NSD3: variants seen among roughly 807,000 people sequenced by gnomAD.
NSD3 encodes histone-lysine N-methyltransferase NSD3.
In NSD3, 24 loss-of-function variants were observed where a neutral mutation model predicts 160.8. The observed-to-expected ratio is 0.15, with a 90% CI of 0.11 to 0.21. The LOEUF is 0.21. Among genes scored for constraint, NSD3 ranks in the 10% least tolerant of loss-of-function variants. NSD3 has a pLI of 1.00. For missense variants in NSD3, 1,157 were observed against 1,735.9 expected, an observed-to-expected ratio of 0.67 and a Z score of 5.93; for synonymous variants, 520 against 600.0, an observed-to-expected ratio of 0.87 and a Z score of 1.95.
intron 1 of NSD3, among the ~76,000 whole-genome samples, chr8:38,377,588 A>G (rs1811425888): frequency 6.6e-6 from 1 of 152,044 alleles, no homozygotes; most frequent in African/African-American, 2.4e-5. Context: ...ACCTCAAGCA[A>G]TCCGCCCGCC....
At position 38,347,765 on chromosome 8, in the gene NSD3, G is replaced by C. The variant is rs372097319; in HGVS notation, c.407C>G (p.Pro136Arg). ...AATCACAGTTTGTGGTACCGAAGGA[G>C]GAGGTGGTGGCTGTGGAGGGGAAGG... ...EKPSPPQPPPPPSVPQTVIPK... is the reference protein window; with the variant it reads ...EKPSPPQPPPRPSVPQTVIPK... The change falls in exon 2 of 24, where the codon CCT (proline) becomes CGT (arginine). Residue 136 changes from proline to arginine, a missense_variant. By Grantham distance (103) the Pro-to-Arg change is moderately radical. Around this residue, in one of 10 missense-constraint regions of NSD3, gnomAD observed 121 missense variants for 177.2 expected, o/e 0.68. Coordinates refer to ENST00000317025, the MANE Select transcript of NSD3 (RefSeq NM_023034.2). 6.2e-7 allele frequency: 1 copy of C among 1,613,316 alleles called. No individual in the cohort carries two copies. Among genetic ancestry groups the C allele is most frequent in the Non-Finnish European group, 8.5e-7 (1 of 1,180,030 alleles).
At chr8:38,282,780 G>C (rs1034906660) in intron 19 of NSD3, among the ~76,000 whole-genome samples, 1 of 152,216 alleles carries the variant, frequency 6.6e-6, no homozygotes, top group South Asian at 2.1e-4. Context: ...ATTCTCTTGA[G>C]ATCTACCCAA....
chr8:38,332,617 TA>T (rs965873968), intron 4 of NSD3, among the ~76,000 whole-genome samples: 2 of 152,198 alleles, frequency 1.3e-5, no homozygotes, highest in African/African-American at 4.8e-5. Flanking sequence ...GGGACAAAAG[TA>T]AGTACAGAAG....
Position 38,288,560 on chromosome 8 carries a change from A to C in NSD3, c.3428T>G (p.Leu1143Arg). 1 of 1,614,122 alleles carries C rather than the reference A, an allele frequency of 6.2e-7. No individual in the cohort carries two copies. The highest frequency in any genetic ancestry group is 8.5e-7 in the Non-Finnish European group (1 of 1,180,024). Residue 1143 changes from leucine to arginine, a missense_variant, in exon 19 of 24, where the codon CTA becomes CGA. Around this residue, in one of 10 missense-constraint regions of NSD3, gnomAD observed 222 missense variants for 409.9 expected, o/e 0.54. Coordinates refer to ENST00000317025, the MANE Select transcript of NSD3 (RefSeq NM_023034.2). The surrounding 1 kb of genome is among the most constrained non-coding windows in gnomAD (Gnocchi z 4.5). ...TTTGATGATCTCTGCATCAGGGTAT[A>C]GTCTCTTTGTAAAGCACTGGTTCTG... The part of the protein sequence containing the change: ...RCQNQCFTKR[L>R]YPDAEIIKTE...
At position 38,272,686 on chromosome 8, in the gene NSD3, C is replaced by T. The variant is rs1808511730; in HGVS notation, c.*2955G>A. On this transcript the variant is annotated 3_prime_UTR_variant, in exon 24 of 24. Coordinates refer to ENST00000317025, the MANE Select transcript of NSD3 (RefSeq NM_023034.2). ...GGTTAAAAAAAATACCACCATTAGC[C>T]CATGCTGCTTTAAGTTATTTCATTG... The T allele has an allele frequency of 6.6e-6, 1 of 152,236 alleles. No homozygotes were observed. Among genetic ancestry groups the T allele is most frequent in the Non-Finnish European group, 1.5e-5 (1 of 68,048 alleles). The allele number at this position is 152,236 out of a possible 1,614,324, so 9.4% of individuals were successfully genotyped here.
chr8:38,345,254 G>A (rs1271474513), intron 2 of NSD3, among the ~76,000 whole-genome samples: 2 of 131,644 alleles, frequency 1.5e-5, no homozygotes, highest in Non-Finnish European at 3.2e-5. Context: ...GAAGAAGGGA[G>A]AGAAGAAGGA....
chr8:38,341,527 G>C (rs1348639185), intron 2 of NSD3, among the ~76,000 whole-genome samples: 1 of 146,556 alleles, frequency 6.8e-6, no homozygotes, highest in African/African-American at 2.5e-5. Flanking sequence ...GACAGAGCGA[G>C]ACTCCGTCTC....
chr8:38,280,372 A>G (rs1478197175), intron 20 of NSD3, among the ~76,000 whole-genome samples: 1 of 152,210 alleles, frequency 6.6e-6, no homozygotes, highest in Non-Finnish European at 1.5e-5. Context: ...AGATCCCAGC[A>G]ATCATAAAGA....
rs1809712297 is a variant in NSD3 at position 38,318,114 on chromosome 8, C to T, written c.1855+781G>A. ...ATCGCGATGTCTTTTCTTGGAGCTC[C>T]GCCAAGCAGTGTTCCCTCCGAGAGG... On this transcript the variant is annotated intron_variant, in intron 9 of 23. Coordinates refer to ENST00000317025, the MANE Select transcript of NSD3 (RefSeq NM_023034.2). The surrounding 1 kb of genome is among the most constrained non-coding windows in gnomAD (Gnocchi z 5.3). 6.4e-7 allele frequency: 1 copy of T among 1,560,304 alleles called. No homozygotes were observed. Among genetic ancestry groups the T allele is most frequent in the Non-Finnish European group, 8.7e-7 (1 of 1,144,210 alleles).
chr8:38,307,478 G>C (rs2131012601), intron 12 of NSD3, among the ~76,000 whole-genome samples: 1 of 152,250 alleles, frequency 6.6e-6, no homozygotes, highest in South Asian at 2.1e-4. Context: ...ACTACACTGG[G>C]GAAGACTGAG....
intron 5 of NSD3, among the ~76,000 whole-genome samples, chr8:38,330,831 C>T (rs1419292020): frequency 6.6e-6 from 1 of 152,206 alleles, no homozygotes; most frequent in Non-Finnish European, 1.5e-5. Context: ...TCCACCACCA[C>T]ATCAAATATA....
Position 38,270,967 on chromosome 8 carries a change from G to A in NSD3, c.*4674C>T, listed in dbSNP as rs1808449614. ...GAAAGACACGGATTACCCACATTTT[G>A]GGAGTGTAACGTAAGTGCAATTTTT... On this transcript the variant is annotated 3_prime_UTR_variant, in exon 24 of 24. Coordinates refer to ENST00000317025, the MANE Select transcript of NSD3 (RefSeq NM_023034.2). 1.3e-5 allele frequency: 2 copies of A among 152,140 alleles called. No individual in the cohort carries two copies. Among genetic ancestry groups the A allele is most frequent in the Admixed American group, 1.3e-4 (2 of 15,276 alleles). The allele number at this position is 152,140 out of a possible 1,614,324, so 9.4% of individuals were successfully genotyped here. A position where few individuals can be genotyped will look rare whatever the true frequency, so the allele number is the denominator to read the frequency against.
chr8:38,306,950 T>C (rs1173531229), intron 12 of NSD3, among the ~76,000 whole-genome samples: 2 of 151,376 alleles, frequency 1.3e-5, no homozygotes, highest in Non-Finnish European at 2.9e-5. Flanking sequence ...CCGTCTCTAC[T>C]AAAAATACAA....
At chr8:38,380,613 G>C (rs1273242601) in intron 1 of NSD3, 1 of 152,190 alleles carries the variant, frequency 6.6e-6, no homozygotes, top group Non-Finnish European at 1.5e-5. Flanking sequence ...AGCATACCTT[G>C]TTTGCAACCA....
At chr8:38,304,925 T>C (rs1809361544) in intron 13 of NSD3, among the ~76,000 whole-genome samples, 168 bp from the exon 14 acceptor site, 1 of 152,190 alleles carries the variant, frequency 6.6e-6, no homozygotes, top group Admixed American at 6.5e-5. Flanking sequence ...ATATGGCCCC[T>C]AAATGTAAGC....
chr8:38,278,254 A>T (rs1260187511), intron 22 of NSD3, 52 bp downstream of exon 22: 3 of 1,533,150 alleles, frequency 2.0e-6, no homozygotes, highest in Non-Finnish European at 2.7e-6. Context: ...ACTTCTTAAC[A>T]GCCCTACTCC....
At chr8:38,368,475 GA>G (rs1284978809) in intron 1 of NSD3, among the ~76,000 whole-genome samples, 1 of 152,058 alleles carries the variant, frequency 6.6e-6, no homozygotes, top group Non-Finnish European at 1.5e-5. Context: ...ATACAAAAAA[GA>G]AAACAACAAC....
intron 1 of NSD3, among the ~76,000 whole-genome samples, chr8:38,358,896 A>G (rs1810889886): frequency 6.6e-6 from 1 of 151,840 alleles, no homozygotes; most frequent in Non-Finnish European, 1.5e-5. Flanking sequence ...GACACCAAGA[A>G]GTAAATGGGG....
intron 2 of NSD3, among the ~76,000 whole-genome samples, chr8:38,339,226 G>A (rs867095647): frequency 1.3e-5 from 2 of 151,972 alleles, no homozygotes; most frequent in Non-Finnish European, 2.9e-5. Flanking sequence ...GAAAAAATGG[G>A]CACTCTAAGA....
Sources: allele counts gnomAD v4.1 joint callset (sites outside exome capture counted in the v4.1 genomes callset), GRCh38; gene constraint gnomAD v4.1.1; regional missense constraint gnomAD v4.1.1; non-coding constraint Gnocchi (gnomAD v3.1); transcripts MANE v1.5; gene names NCBI Gene and HGNC (gene_info 2026-07-23, HGNC 2026-07-21).